The following FRK variants were observed in gnomAD, a reference collection of about 807,000 sequenced individuals.
FRK encodes tyrosine-protein kinase FRK.
FRK carries 51 observed loss-of-function variants against 56.4 expected under a neutral mutation model. The ratio of observed to expected loss-of-function variants is 0.90; its 90% CI spans 0.72 to 1.14. The LOEUF is 1.14. Ranked by LOEUF, FRK falls within the 50% of genes most tolerant of loss-of-function variation. The pLI, the probability that FRK is intolerant of heterozygous loss-of-function variation, is 0.00. For missense variants in FRK, 570 were observed against 601.4 expected, an observed-to-expected ratio of 0.95 and a Z score of 0.55; for synonymous variants, 245 against 217.9, an observed-to-expected ratio of 1.12 and a Z score of -1.10.
intron 2 of FRK, among the ~76,000 whole-genome samples, chr6:115,996,150 T>C (rs1774831494): frequency 1.3e-5 from 2 of 152,182 alleles, no homozygotes; most frequent in Admixed American, 6.6e-5. Flanking sequence ...AATATTTTTT[T>C]TGTTTTTCCA....
chr6:116,031,001 T>C (rs1776287603), intron 1 of FRK, among the ~76,000 whole-genome samples: 1 of 152,122 alleles, frequency 6.6e-6, no homozygotes, highest in Non-Finnish European at 1.5e-5. Context: ...CATTCATTGT[T>C]TGGCTCAGTA....
chr6:116,039,959 A>C (rs1243576296), intron 1 of FRK, among the ~76,000 whole-genome samples: 29 of 151,674 alleles, frequency 1.9e-4, no homozygotes, highest in Non-Finnish European at 4.4e-5. Flanking sequence ...AAAAAAAAAA[A>C]AGGAAAAAGA....
At chr6:116,063,627 T>G (rs1777694079), upstream of FRK, among the ~76,000 whole-genome samples, 1 of 152,150 alleles carries the variant, frequency 6.6e-6, no homozygotes, top group South Asian at 2.1e-4. Flanking sequence ...GAATAAATGA[T>G]AAGTATTCCA....
chr6:116,033,916 C>G (rs1776381901), intron 1 of FRK, among the ~76,000 whole-genome samples: 1 of 152,004 alleles, frequency 6.6e-6, no homozygotes. Context: ...GGGACAGGAG[C>G]TGGTGAGAGA....
At chr6:115,976,958 T>C (rs1774012939) in intron 2 of FRK, among the ~76,000 whole-genome samples, 1 of 152,166 alleles carries the variant, frequency 6.6e-6, no homozygotes, top group Non-Finnish European at 1.5e-5. Context: ...ACATAGTGGC[T>C]ACCAAGCATA....
rs1562281004 is a variant in FRK, at chr6:116,003,943, CTG to C, written c.398_399del (p.Ser133Ter). On this transcript the variant is annotated frameshift_variant, in exon 2 of 8. Coordinates refer to ENST00000606080, the MANE Select transcript of FRK (RefSeq NM_002031.3). LOFTEE classifies it high-confidence loss of function. ...RSDAEKQLLY[S>X]ENKTGSFLIR... ...ATTAGAAAGGAACCGGTCTTGTTTTCTGAATATAATAGTTGTTTCTCTGCATC... is the reference window on the plus strand; with the variant it reads ...ATTAGAAAGGAACCGGTCTTGTTTTCAATATAATAGTTGTTTCTCTGCATC... 3 of 1,613,226 alleles carry C rather than the reference CTG, an allele frequency of 1.9e-6. No homozygotes were observed.
rs1266380040 is a variant in FRK at position 115,998,498 on chromosome 6, A to G, written c.466+5379T>C. On this transcript the variant is annotated intron_variant, in intron 2 of 7. Coordinates refer to ENST00000606080, the MANE Select transcript of FRK (RefSeq NM_002031.3). ...ACCTGCACTATCCTCCACCCTTCCAATCATTCCACAAAACACCAGAAAAAC... is the reference window on the plus strand; with the variant it reads ...ACCTGCACTATCCTCCACCCTTCCAGTCATTCCACAAAACACCAGAAAAAC... 2.6e-5 allele frequency among the ~76,000 whole-genome samples: 4 copies of G among 151,974 alleles called. No individual in the cohort carries two copies. In the East Asian group the frequency reaches 7.7e-4, roughly 29 times the overall value.
chr6:115,973,494 C>A (rs1349601294), intron 2 of FRK, among the ~76,000 whole-genome samples: 1 of 152,010 alleles, frequency 6.6e-6, no homozygotes, highest in African/African-American at 2.4e-5. Flanking sequence ...CACCATGGCA[C>A]GCGTATACTT....
chr6:116,075,497 T>C, the FRK span, among the ~76,000 whole-genome samples: 1 of 151,990 alleles, frequency 6.6e-6, no homozygotes, highest in African/African-American at 2.4e-5. Context: ...GGAACTTTTT[T>C]TCCTCCCAGA....
chr6:115,994,766 G>T (rs939228818), intron 2 of FRK, among the ~76,000 whole-genome samples: 5 of 152,028 alleles, frequency 3.3e-5, no homozygotes, highest in East Asian at 1.9e-4. Flanking sequence ...TGGGATTAAT[G>T]CCCTTATAAG....
chr6:116,003,980 G>A lies in FRK; in HGVS notation c.363C>T (p.Ile121=), dbSNP rs777585898. 40 of 1,611,986 alleles carry A rather than the reference G, an allele frequency of 2.5e-5. No homozygotes were observed. The highest frequency in any genetic ancestry group is 1.2e-4 in the African/African-American group (9 of 74,852). ...GTTGTTTCTCTGCATCTGATCTTCCGATTGCTCCAAAGAACCACCTAAAAA... is the reference window on the plus strand; with the variant it reads ...GTTGTTTCTCTGCATCTGATCTTCCAATTGCTCCAAAGAACCACCTAAAAA... ...LQAEPWFFGA[I]GRSDAEKQLL... Residue 121 remains isoleucine, a synonymous_variant, in exon 2 of 8, where the codon ATC becomes ATT. Coordinates refer to ENST00000606080, the MANE Select transcript of FRK (RefSeq NM_002031.3).
At chr6:115,979,315 T>C (rs1774109043) in intron 2 of FRK, among the ~76,000 whole-genome samples, 1 of 152,054 alleles carries the variant, frequency 6.6e-6, no homozygotes, top group South Asian at 2.1e-4. Context: ...TTTATGCCTT[T>C]GTTTTTGACA....
intron 1 of FRK, among the ~76,000 whole-genome samples, chr6:116,025,447 A>T (rs1776052536): frequency 6.6e-6 from 1 of 152,178 alleles, no homozygotes; most frequent in African/African-American, 2.4e-5. Context: ...TATATATGGA[A>T]TCTACTCTGT....
chr6:116,008,401 A>G (rs1775334379), intron 1 of FRK, among the ~76,000 whole-genome samples: 1 of 152,232 alleles, frequency 6.6e-6, no homozygotes, highest in East Asian at 1.9e-4. Flanking sequence ...GAATGCATCA[A>G]TTCACTTAAT....
rs189342431 is a variant in FRK at position 115,961,457 on chromosome 6, T to G, written c.800-4847A>C. Among the ~76,000 whole-genome samples the G allele has an allele frequency of 6.3e-4, 75 of 118,320 alleles. 1 individual carries two copies. The highest frequency in any genetic ancestry group is 1.1e-3 in the Non-Finnish European group (64 of 58,450). The allele number at this position is 118,320 out of a possible 152,430, so 77.6% of individuals were successfully genotyped here. A position where few individuals can be genotyped will look rare whatever the true frequency, so the allele number is the denominator to read the frequency against. ...AAGTGATGTGGAGAATGGAACCAAG[T>G]TGGAAAACACTCTGCAGGATATTAT... On this transcript the variant is annotated intron_variant, in intron 4 of 7. Coordinates refer to ENST00000606080, the MANE Select transcript of FRK (RefSeq NM_002031.3).
intron 2 of FRK, among the ~76,000 whole-genome samples, chr6:115,981,236 T>C (rs1198227507): frequency 2.6e-5 from 4 of 152,096 alleles, no homozygotes; most frequent in Non-Finnish European, 5.9e-5. Context: ...TCTTCACAAC[T>C]TCTCTTATTC....
At chr6:116,010,162 C>T (rs1439133317) in intron 1 of FRK, among the ~76,000 whole-genome samples, 3 of 151,492 alleles carry the variant, frequency 2.0e-5, no homozygotes, top group Admixed American at 2.0e-4. Flanking sequence ...GCGGAGGTTG[C>T]AGTGAGCCGA....
At chr6:116,031,541 C>T (rs1483180633) in intron 1 of FRK, among the ~76,000 whole-genome samples, 1 of 152,032 alleles carries the variant, frequency 6.6e-6, no homozygotes, top group East Asian at 1.9e-4. Flanking sequence ...GAAATGAGTA[C>T]ACATTCACAA....
intron 2 of FRK, among the ~76,000 whole-genome samples, chr6:115,978,910 G>C (rs1774089084): frequency 6.6e-6 from 1 of 152,016 alleles, no homozygotes; most frequent in African/African-American, 2.4e-5. Flanking sequence ...AAAATTATCT[G>C]AGTGTGGTGG....
Sources: gnomAD v4.1 joint callset for allele counts (sites outside exome capture counted in the v4.1 genomes callset) on GRCh38, gnomAD v4.1.1 for gene constraint, MANE v1.5 for transcripts, NCBI Gene and HGNC (gene_info 2026-07-23, HGNC 2026-07-21) for gene names.